The following ULK4 variants were observed in gnomAD, a reference collection of about 807,000 sequenced individuals.
The protein encoded by ULK4 is unc-51 like kinase 4.
Under a neutral mutation model 160.6 loss-of-function variants are expected in ULK4, and 133 were observed. That is an observed-to-expected ratio of 0.83 (90% CI 0.72 to 0.96). The LOEUF (loss-of-function observed/expected upper bound fraction) is 0.96, where lower values mean the gene tolerates loss of function less well. Ranked by LOEUF, ULK4 falls within the 40% of genes least tolerant of loss-of-function variation. The pLI is 0.00. For synonymous variants in ULK4, 534 were observed against 539.8 expected, an observed-to-expected ratio of 0.99 and a Z score of 0.15; for missense variants, 1,580 against 1,499.5, an observed-to-expected ratio of 1.05 and a Z score of -0.89.
chr3:41,479,817 C>T (rs1187356918), intron 32 of ULK4, among the ~76,000 whole-genome samples: 4 of 152,064 alleles, frequency 2.6e-5, no homozygotes, highest in Admixed American at 2.6e-4. Context: ...ACTATAAAAG[C>T]AATATATATT....
At chr3:41,710,003 C>T (rs1264053833) in intron 25 of ULK4, among the ~76,000 whole-genome samples, 1 of 152,162 alleles carries the variant, frequency 6.6e-6, no homozygotes, top group Non-Finnish European at 1.5e-5. Flanking sequence ...AAAGGACAAG[C>T]ACTGCTTCCT....
At chr3:41,250,639 A>G (rs986644112) in intron 35 of ULK4, among the ~76,000 whole-genome samples, 1 of 152,186 alleles carries the variant, frequency 6.6e-6, no homozygotes, top group African/African-American at 2.4e-5. Flanking sequence ...TTTTTAATCA[A>G]CCACTCATGA....
At chr3:41,675,342 C>G (rs1183571804) in intron 29 of ULK4, among the ~76,000 whole-genome samples, 1 of 151,856 alleles carries the variant, frequency 6.6e-6, no homozygotes, top group Non-Finnish European at 1.5e-5. Context: ...ATAATCCCAG[C>G]ACTTTAGAAG....
At chr3:41,501,880 C>T (rs2085222176) in intron 32 of ULK4, among the ~76,000 whole-genome samples, 2 of 152,172 alleles carry the variant, frequency 1.3e-5, no homozygotes, top group Admixed American at 1.3e-4. Flanking sequence ...CTGGTAACCA[C>T]CATTCTCCTG....
intron 35 of ULK4, among the ~76,000 whole-genome samples, chr3:41,327,152 G>T (rs1559526396): frequency 6.6e-6 from 1 of 152,040 alleles, no homozygotes; most frequent in Non-Finnish European, 1.5e-5. Context: ...AAGAGGGTTG[G>T]AAATAAATCC....
intron 35 of ULK4, among the ~76,000 whole-genome samples, chr3:41,269,967 G>A (rs2079110796): frequency 6.6e-6 from 1 of 152,072 alleles, no homozygotes. Flanking sequence ...GAACTGACAT[G>A]TGCGAAAATT....
intron 35 of ULK4, among the ~76,000 whole-genome samples, chr3:41,261,451 C>T (rs144700803): frequency 0.013 from 2,030 of 152,262 alleles, 38 homozygotes; most frequent in Middle Eastern, 0.027. Context: ...TCAAGATCCA[C>T]ACTCATCCCT....
At chr3:41,343,097 C>A (rs2080720797) in intron 35 of ULK4, among the ~76,000 whole-genome samples, 1 of 152,048 alleles carries the variant, frequency 6.6e-6, no homozygotes, top group African/African-American at 2.4e-5. Flanking sequence ...GAAAGCATTC[C>A]CCTTGAAAAC....
chr3:41,872,826 C>CT (rs1031031594), intron 17 of ULK4, among the ~76,000 whole-genome samples: 5 of 151,880 alleles, frequency 3.3e-5, no homozygotes, highest in Admixed American at 6.6e-5. Context: ...ATATGTAAGA[C>CT]TTTTTTTCCC....
intron 19 of ULK4, among the ~76,000 whole-genome samples, chr3:41,811,047 C>T (rs1175029968): frequency 6.6e-6 from 1 of 151,260 alleles, no homozygotes; most frequent in Admixed American, 6.6e-5. Flanking sequence ...CTACACTGGG[C>T]TAATTTTAAA....
At chr3:41,765,728 A>C (rs1411121246) in intron 21 of ULK4, among the ~76,000 whole-genome samples, 1 of 152,196 alleles carries the variant, frequency 6.6e-6, no homozygotes, top group Admixed American at 6.5e-5. Context: ...TAAGGAGTGG[A>C]GGAAGCAATC....
intron 32 of ULK4, among the ~76,000 whole-genome samples, chr3:41,495,278 T>C (rs2084945619): frequency 6.6e-6 from 1 of 152,020 alleles, no homozygotes; most frequent in African/African-American, 2.4e-5. Flanking sequence ...ATGCCGCATA[T>C]CTACAACTGT....
At chr3:41,647,330 AC>A (rs1274406997) in intron 30 of ULK4, among the ~76,000 whole-genome samples, 3 of 151,838 alleles carry the variant, frequency 2.0e-5, no homozygotes, top group African/African-American at 7.3e-5. Context: ...GGTTTTATCT[AC>A]TTTTGGTCTT....
chr3:41,900,967 G>A (rs1209862347), intron 12 of ULK4, 138 bp from the exon 13 acceptor site: 14 of 552,282 alleles, frequency 2.5e-5, no homozygotes, highest in South Asian at 1.1e-4. Context: ...ATTCAAGATG[G>A]TTGCAGTCTC....
At chr3:41,747,254 A>T (rs1183589929) in intron 22 of ULK4, among the ~76,000 whole-genome samples, 1 of 151,986 alleles carries the variant, frequency 6.6e-6, no homozygotes, top group Non-Finnish European at 1.5e-5. Context: ...CGTATATCTG[A>T]CAGTGGACTC....
chr3:41,312,357 T>C (rs1447441448), intron 35 of ULK4, among the ~76,000 whole-genome samples: 1 of 152,212 alleles, frequency 6.6e-6, no homozygotes, highest in South Asian at 2.1e-4. Flanking sequence ...TTACAGCTAA[T>C]GTTCTCTGAC....
At chr3:41,543,010 A>C (rs2086746408) in intron 32 of ULK4, among the ~76,000 whole-genome samples, 1 of 152,112 alleles carries the variant, frequency 6.6e-6, no homozygotes, top group Non-Finnish European at 1.5e-5. Context: ...AAAAGGAAGA[A>C]GGTTCAGAGA....
intron 30 of ULK4, among the ~76,000 whole-genome samples, chr3:41,620,327 A>C (rs2033182207): frequency 6.6e-6 from 1 of 152,196 alleles, no homozygotes; most frequent in South Asian, 2.1e-4. Context: ...AAAAAATTTC[A>C]GGTCAATATC....
intron 32 of ULK4, among the ~76,000 whole-genome samples, chr3:41,564,041 T>C (rs1345166719): frequency 6.6e-6 from 1 of 152,132 alleles, no homozygotes; most frequent in Non-Finnish European, 1.5e-5. Context: ...ATAGATAGGG[T>C]TTTGGTGTAG....
Sources: allele counts gnomAD v4.1 joint callset (sites outside exome capture counted in the v4.1 genomes callset), GRCh38; gene constraint gnomAD v4.1.1; transcripts MANE v1.5; gene names NCBI Gene and HGNC (gene_info 2026-07-23, HGNC 2026-07-21).